Variants in FAM163A observed in about 807,000 individuals in gnomAD.
FAM163A encodes the protein protein FAM163A.
In FAM163A, 7 loss-of-function variants were observed where a neutral mutation model predicts 12.0. That is an observed-to-expected ratio of 0.58 (90% confidence interval 0.33 to 1.10). The LOEUF is 1.10. Among genes scored for constraint, FAM163A ranks in the 50% least tolerant of loss-of-function variants. The pLI, the probability that FAM163A is intolerant of heterozygous loss-of-function variation, is 0.03. For synonymous variants in FAM163A, 101 were observed against 91.0 expected, an observed-to-expected ratio of 1.11 and a Z score of -0.62; for missense variants, 202 against 218.6, an observed-to-expected ratio of 0.92 and a Z score of 0.48.
At chr1:179,736,134 G>A in the FAM163A span, among the ~76,000 whole-genome samples, 1 of 152,148 alleles carries the variant, frequency 6.6e-6, no homozygotes, top group Non-Finnish European at 1.5e-5. Context: ...TGATTTCTTG[G>A]ATGTGACACC....
intron 1 of FAM163A, among the ~76,000 whole-genome samples, chr1:179,787,488 G>A (rs569203309): frequency 2.0e-5 from 3 of 152,300 alleles, no homozygotes; most frequent in South Asian, 4.1e-4. Context: ...ATCAAATAAC[G>A]ACATGACCCT....
chr1:179,773,833 C>T (rs918851655), intron 1 of FAM163A, among the ~76,000 whole-genome samples: 4 of 152,296 alleles, frequency 2.6e-5, no homozygotes, highest in Middle Eastern at 3.4e-3. Flanking sequence ...GCCAATGAAA[C>T]GGACATCTTT....
intron 1 of FAM163A, among the ~76,000 whole-genome samples, chr1:179,796,573 A>G (rs2148284976): frequency 6.6e-6 from 1 of 152,290 alleles, no homozygotes; most frequent in East Asian, 1.9e-4. Context: ...CAGGTTCTCC[A>G]GGATGCTTCT....
At chr1:179,776,951 T>G (rs1457287103) in intron 1 of FAM163A, among the ~76,000 whole-genome samples, 2 of 152,212 alleles carry the variant, frequency 1.3e-5, no homozygotes, top group South Asian at 4.1e-4. Context: ...TCTGGAAATT[T>G]TACGCCAATG....
At chr1:179,751,745 T>G (rs1685303068) in intron 1 of FAM163A, among the ~76,000 whole-genome samples, 1 of 152,106 alleles carries the variant, frequency 6.6e-6, no homozygotes, top group African/African-American at 2.4e-5. Flanking sequence ...TACATCATAC[T>G]CAATGATGAA....
chr1:179,761,036 T>A (rs1234801657), intron 1 of FAM163A, among the ~76,000 whole-genome samples: 1 of 152,252 alleles, frequency 6.6e-6, no homozygotes, highest in East Asian at 1.9e-4. Flanking sequence ...TCAACTGAAA[T>A]GTTTCATAAT....
chr1:179,785,606 T>A (rs1036829319), intron 1 of FAM163A, among the ~76,000 whole-genome samples: 5 of 152,100 alleles, frequency 3.3e-5, no homozygotes, highest in Admixed American at 1.3e-4. Context: ...GATGTATGAG[T>A]TCGAGGCAAA....
chr1:179,808,470 T>C (rs1396019205), intron 2 of FAM163A, among the ~76,000 whole-genome samples: 4 of 152,198 alleles, frequency 2.6e-5, no homozygotes, highest in Admixed American at 6.5e-5. Context: ...TCATCTCTCA[T>C]GTATGTGGCT....
chr1:179,796,906 T>A (rs1165363106), intron 1 of FAM163A, among the ~76,000 whole-genome samples: 2 of 152,256 alleles, frequency 1.3e-5, no homozygotes, highest in Admixed American at 1.3e-4. Flanking sequence ...GATCATCCAT[T>A]CTGGAGTCTT....
intron 1 of FAM163A, among the ~76,000 whole-genome samples, chr1:179,796,409 G>A (rs563425176): frequency 2.6e-5 from 4 of 152,264 alleles, no homozygotes; most frequent in South Asian, 2.1e-4. Flanking sequence ...TTTTGAAAGC[G>A]ATTAAAATGT....
At chr1:179,757,528 T>C (rs962596208) in intron 1 of FAM163A, among the ~76,000 whole-genome samples, 1 of 152,118 alleles carries the variant, frequency 6.6e-6, no homozygotes, top group Non-Finnish European at 1.5e-5. Context: ...GTGAAGAGGA[T>C]TGGCTGGGTG....
At chr1:179,762,762 C>T (rs1458381754) in intron 1 of FAM163A, among the ~76,000 whole-genome samples, 1 of 152,202 alleles carries the variant, frequency 6.6e-6, no homozygotes, top group African/African-American at 2.4e-5. Context: ...CTTCTTCCAG[C>T]TCTGCATTAG....
chr1:179,740,313 G>T (rs886094934), upstream of FAM163A, among the ~76,000 whole-genome samples: 7 of 151,990 alleles, frequency 4.6e-5, no homozygotes, highest in African/African-American at 1.7e-4. Context: ...TGTGTAGCTG[G>T]GACTTCAGGT....
intron 1 of FAM163A, among the ~76,000 whole-genome samples, chr1:179,773,218 G>T (rs913083785): frequency 6.6e-6 from 1 of 152,056 alleles, no homozygotes; most frequent in Admixed American, 6.5e-5. Flanking sequence ...GGTAGAGAAG[G>T]AAGTGACTGT....
chr1:179,733,262 C>T, the FAM163A span, among the ~76,000 whole-genome samples: 4 of 152,108 alleles, frequency 2.6e-5, no homozygotes, highest in Admixed American at 6.5e-5. Flanking sequence ...AGAAAGGATC[C>T]AAACCCAGTT....
intron 2 of FAM163A, among the ~76,000 whole-genome samples, chr1:179,811,083 T>A (rs1239545014): frequency 6.6e-6 from 1 of 151,894 alleles, no homozygotes; most frequent in Non-Finnish European, 1.5e-5. Flanking sequence ...GGGCAGTGGA[T>A]CACGTAAGCG....
intron 1 of FAM163A, among the ~76,000 whole-genome samples, chr1:179,746,973 A>G (rs1283547986): frequency 6.6e-6 from 1 of 152,214 alleles, no homozygotes; most frequent in Non-Finnish European, 1.5e-5. Context: ...AACAATCTGC[A>G]GAAATAGAAA....
chr1:179,750,609 C>T (rs541920987), intron 1 of FAM163A, among the ~76,000 whole-genome samples: 14 of 152,218 alleles, frequency 9.2e-5, no homozygotes, highest in Middle Eastern at 3.4e-3. Context: ...ACAACATGAG[C>T]GGAAGAGGTA....
chr1:179,776,481 A>ACTCCATTTC (rs1484530890), intron 1 of FAM163A, among the ~76,000 whole-genome samples: 1 of 147,160 alleles, frequency 6.8e-6, no homozygotes, highest in Non-Finnish European at 1.5e-5. Context: ...AAAGAGCAAG[A>ACTCCATTTC]CTCCATTTCA....
Sources: allele counts gnomAD v4.1 joint callset (sites outside exome capture counted in the v4.1 genomes callset), GRCh38; gene constraint gnomAD v4.1.1; transcripts MANE v1.5; gene names NCBI Gene and HGNC (gene_info 2026-07-23, HGNC 2026-07-21).